PTGFRN: variants seen among roughly 807,000 people sequenced by gnomAD.
PTGFRN encodes the protein prostaglandin F2 receptor negative regulator.
Under a neutral mutation model 83.2 loss-of-function variants are expected in PTGFRN, and 35 were observed. The observed-to-expected ratio is 0.42, with a 90% CI of 0.32 to 0.56. PTGFRN has a LOEUF of 0.56. Among genes scored for constraint, PTGFRN ranks in the 20% least tolerant of loss-of-function variants. The pLI is 0.11. For synonymous variants in PTGFRN, 519 were observed against 498.6 expected (o/e 1.04, Z -0.55); for missense variants, 1,051 against 1,179.5 (o/e 0.89, Z 1.60).
In PTGFRN at chr1:116,941,565, T is replaced by G; in HGVS notation, c.50-150T>G. ...CTGGCTCATTATTTAAGGGTTAGGC[T>G]TAACCTTCTGCATAGATACATTTTC... is the stretch of plus-strand genomic sequence containing the variant. On this transcript the variant is annotated intron_variant, in intron 1 of 8. Coordinates refer to ENST00000393203, the MANE Select transcript of PTGFRN (RefSeq NM_020440.4). This position sits in a 1 kb window ranked among gnomAD's most constrained non-coding sequence, Gnocchi z 5.0. The G allele has an allele frequency of 1.8e-6, 2 of 1,136,644 alleles. No individual in the cohort carries two copies. The highest frequency in any genetic ancestry group is 2.4e-5 in the East Asian group (1 of 42,146). 70.4% of individuals were successfully genotyped at this position (1,136,644 alleles called of 1,614,324 possible). A position where few individuals can be genotyped will look rare whatever the true frequency, so the allele number is the denominator to read the frequency against.
At chr1:116,955,221 A>G (rs1478485619) in intron 4 of PTGFRN, among the ~76,000 whole-genome samples, 1 of 152,170 alleles carries the variant, frequency 6.6e-6, no homozygotes, top group African/African-American at 2.4e-5. Context: ...ACATGAGCAG[A>G]CACCTTCCTG....
chr1:116,959,095 G>A (rs1344393187), intron 4 of PTGFRN, among the ~76,000 whole-genome samples: 2 of 152,230 alleles, frequency 1.3e-5, no homozygotes, highest in East Asian at 1.9e-4. Flanking sequence ...TTTAGATGTG[G>A]AGTAATTTGA....
At position 116,988,119 on chromosome 1, in the gene PTGFRN, GA is replaced by G. The variant is rs1400506161; in HGVS notation, c.*1154del. ...ACTTCAAGGAATCAGAAATTACCTA[GA>G]AGCACCATGTTTTTTCTATGACCTT... On this transcript the variant is annotated 3_prime_UTR_variant, in exon 9 of 9. Transcript: ENST00000393203. The G allele has an allele frequency of 6.6e-6, 1 of 152,254 alleles. No homozygotes were observed. The highest frequency in any genetic ancestry group is 1.5e-5 in the Non-Finnish European group (1 of 68,066). 9.4% of individuals were successfully genotyped at this position (152,254 alleles called of 1,614,324 possible).
intron 2 of PTGFRN, among the ~76,000 whole-genome samples, chr1:116,944,254 A>G (rs544051871): frequency 1.3e-5 from 2 of 152,190 alleles, no homozygotes; most frequent in African/African-American, 2.4e-5. Flanking sequence ...GTCATACCCA[A>G]TGATTTATCA....
intron 7 of PTGFRN, among the ~76,000 whole-genome samples, chr1:116,976,985 C>G (rs187916881): frequency 6.6e-6 from 1 of 152,034 alleles, no homozygotes; most frequent in Non-Finnish European, 1.5e-5. Flanking sequence ...ACCCATCTCG[C>G]GTGCAGAGAC....
At chr1:116,919,672 G>C (rs1649492924) in intron 1 of PTGFRN, among the ~76,000 whole-genome samples, 1 of 152,256 alleles carries the variant, frequency 6.6e-6, no homozygotes, top group Non-Finnish European at 1.5e-5. Context: ...GGGTCACAGT[G>C]TAAGTGGCAG....
chr1:116,960,164 C>T (rs183760030), intron 4 of PTGFRN, among the ~76,000 whole-genome samples: 1 of 152,244 alleles, frequency 6.6e-6, no homozygotes, highest in East Asian at 1.9e-4. Flanking sequence ...TATGGGAGCA[C>T]AGAGTATATC....
At chr1:116,976,905 T>A (rs1264684352) in intron 7 of PTGFRN, among the ~76,000 whole-genome samples, 1 of 152,082 alleles carries the variant, frequency 6.6e-6, no homozygotes, top group Non-Finnish European at 1.5e-5. Flanking sequence ...GGCTAAATGC[T>A]CCAATTAAAA....
intron 1 of PTGFRN, among the ~76,000 whole-genome samples, chr1:116,931,418 C>T (rs1649799520): frequency 6.6e-6 from 1 of 151,990 alleles, no homozygotes; most frequent in Non-Finnish European, 1.5e-5. Context: ...ACTTTTTGCT[C>T]AGTAGCTGTG....
At chr1:116,976,178 G>A (rs1364375616) in intron 7 of PTGFRN, among the ~76,000 whole-genome samples, 1 of 152,168 alleles carries the variant, frequency 6.6e-6, no homozygotes, top group African/African-American at 2.4e-5. Context: ...AGAGAAAAAA[G>A]AGTAAAAAGA....
chr1:116,930,672 C>T (rs1649771783), intron 1 of PTGFRN, among the ~76,000 whole-genome samples: 2 of 152,168 alleles, frequency 1.3e-5, no homozygotes, highest in Non-Finnish European at 2.9e-5. Flanking sequence ...CCTTTTGATT[C>T]CTGTCATTGC....
Position 116,986,788 on chromosome 1 carries a change from C to T in PTGFRN, c.2474-13C>T. 3 of 1,613,300 alleles carry T rather than the reference C, an allele frequency of 1.9e-6. No individual in the cohort carries two copies. The highest frequency in any genetic ancestry group is 2.5e-6 in the Non-Finnish European group (3 of 1,179,662). ...AGCACTGACTGGCTTCCCCTTTGATCTCTCCCTCCCAGTGCTGAACGCCTT... is the reference window on the plus strand; with the variant it reads ...AGCACTGACTGGCTTCCCCTTTGATTTCTCCCTCCCAGTGCTGAACGCCTT... On this transcript the variant is annotated splice_polypyrimidine_tract_variant and intron_variant, in intron 8 of 8. Coordinates refer to ENST00000393203, the MANE Select transcript of PTGFRN (RefSeq NM_020440.4).
chr1:116,983,529 T>C (rs1002281101), intron 7 of PTGFRN, among the ~76,000 whole-genome samples: 2 of 147,690 alleles, frequency 1.4e-5, no homozygotes, highest in East Asian at 2.0e-4. Context: ...AAAATTATGC[T>C]CAAGTGCCAC....
chr1:116,954,066 C>T (rs1650421022), intron 4 of PTGFRN, among the ~76,000 whole-genome samples: 1 of 151,988 alleles, frequency 6.6e-6, no homozygotes, highest in Admixed American at 6.6e-5. Flanking sequence ...CCACGTTGGC[C>T]AGGCTGGTCT....
At chr1:116,926,403 T>A (rs901950858) in intron 1 of PTGFRN, among the ~76,000 whole-genome samples, 1 of 152,238 alleles carries the variant, frequency 6.6e-6, no homozygotes, top group South Asian at 2.1e-4. Context: ...TAGCAGCTGC[T>A]AATTTTATAG....
intron 4 of PTGFRN, among the ~76,000 whole-genome samples, chr1:116,957,848 C>T (rs943315868): frequency 7.9e-5 from 12 of 152,224 alleles, no homozygotes; most frequent in Non-Finnish European, 1.8e-4. Context: ...CTCCCACATG[C>T]GAGTGACATT....
At chr1:116,985,720 A>AAG (rs71582586) in intron 8 of PTGFRN, among the ~76,000 whole-genome samples, 2 of 151,038 alleles carry the variant, frequency 1.3e-5, no homozygotes, top group Admixed American at 6.6e-5. Flanking sequence ...AAAAAAAAAA[A>AAG]AGAGACTCCT....
At chr1:116,971,367 A>G (rs1650988825) in intron 6 of PTGFRN, among the ~76,000 whole-genome samples, 1 of 152,130 alleles carries the variant, frequency 6.6e-6, no homozygotes, top group Non-Finnish European at 1.5e-5. Context: ...CTTTTTTTAG[A>G]GGCCAAGGTT....
chr1:116,912,548 T>TTCTTTCCTTCCTGTTTCTACGGCTACTG (rs1649299720), intron 1 of PTGFRN, among the ~76,000 whole-genome samples: 1 of 152,206 alleles, frequency 6.6e-6, no homozygotes, highest in Admixed American at 6.5e-5. Context: ...TCCAGCTTCT[T>TTCTTTCCTTCCTGTTTCTACGGCTACTG]TCTTTCCTTC....
Sources: allele counts gnomAD v4.1 joint callset (sites outside exome capture counted in the v4.1 genomes callset), GRCh38; gene constraint gnomAD v4.1.1; non-coding constraint Gnocchi (gnomAD v3.1); transcripts MANE v1.5; gene names NCBI Gene and HGNC (gene_info 2026-07-23, HGNC 2026-07-21).